Variants in DCC observed in about 807,000 individuals in gnomAD.
DCC encodes DCC netrin 1 receptor.
In DCC, 58 loss-of-function variants were observed where a neutral mutation model predicts 172.5. That is an observed-to-expected ratio of 0.34 (90% CI 0.27 to 0.42). DCC has a LOEUF of 0.42. DCC is among the 10% of genes least tolerant of loss of function. The pLI, the probability that DCC is intolerant of heterozygous loss-of-function variation, is 1.00. For missense variants in DCC, 1,740 were observed against 1,791.0 expected, an observed-to-expected ratio of 0.97 and a Z score of 0.51; for synonymous variants, 709 against 644.5, an observed-to-expected ratio of 1.10 and a Z score of -1.52.
intron 2 of DCC, 86 bp from the exon 3 acceptor site, chr18:52,905,958 A>G: frequency 1.1e-6 from 1 of 943,696 alleles, no homozygotes; most frequent in Non-Finnish European, 1.7e-6. Flanking sequence ...ATAATTTTCT[A>G]CAAAGAATAC....
intron 27 of DCC, among the ~76,000 whole-genome samples, chr18:53,511,821 G>C (rs959428596): frequency 6.6e-6 from 1 of 151,744 alleles, no homozygotes; most frequent in African/African-American, 2.4e-5. Flanking sequence ...CGCCCACGGA[G>C]TCTCGCTGAT....
rs771876514 is a variant in DCC, at chr18:53,307,897, GTATATATATATATATATATATATATA to G, written c.2053+2206_2053+2231del. 1.2e-3 allele frequency among the ~76,000 whole-genome samples: 84 copies of G among 67,430 alleles called. 1 individual carries two copies. The highest frequency in any genetic ancestry group is 3.9e-3 in the South Asian group (8 of 2,076). The allele number at this position is 67,430 out of a possible 152,430, so 44.2% of individuals were successfully genotyped here. A position where few individuals can be genotyped will look rare whatever the true frequency, so the allele number is the denominator to read the frequency against. ...CTTCTGGAAAGCAATGTGTGTGTAT[GTATATATATATATATATATATATATA>G]TATATATATATATATATATATATAT... On this transcript the variant is annotated intron_variant, in intron 13 of 28. Transcript: ENST00000442544.
chr18:52,697,357 G>A (rs959362013), intron 1 of DCC, among the ~76,000 whole-genome samples: 3 of 152,266 alleles, frequency 2.0e-5, no homozygotes, highest in African/African-American at 7.2e-5. Flanking sequence ...TCCATCTGAC[G>A]ATGATGTGTT....
intron 5 of DCC, among the ~76,000 whole-genome samples, chr18:52,945,784 T>C (rs917061076): frequency 1.2e-4 from 18 of 152,164 alleles, no homozygotes; most frequent in African/African-American, 1.7e-4. Flanking sequence ...GGTCACAAAC[T>C]GACAACCTAA....
At chr18:52,441,205 A>C (rs1343960403) in intron 1 of DCC, among the ~76,000 whole-genome samples, 1 of 152,180 alleles carries the variant, frequency 6.6e-6, no homozygotes, top group Non-Finnish European at 1.5e-5. Context: ...TTTGTCTGAG[A>C]CCATTTATTT....
chr18:53,022,958 G>T (rs1052770921), intron 5 of DCC, among the ~76,000 whole-genome samples: 1 of 152,008 alleles, frequency 6.6e-6, no homozygotes, highest in Non-Finnish European at 1.5e-5. Context: ...TTTGAAGTAG[G>T]CAACGAAGGG....
At chr18:53,224,385 T>C (rs1444742936) in intron 12 of DCC, among the ~76,000 whole-genome samples, 2 of 152,170 alleles carry the variant, frequency 1.3e-5, no homozygotes, top group African/African-American at 4.8e-5. Context: ...GATTGCTGGG[T>C]TCCGGCCAGA....
At chr18:53,106,577 A>G (rs1187917694) in intron 7 of DCC, among the ~76,000 whole-genome samples, 1 of 151,930 alleles carries the variant, frequency 6.6e-6, no homozygotes, top group Non-Finnish European at 1.5e-5. Context: ...TCAACAATTG[A>G]AGATCTAACA....
At chr18:53,033,847 C>T (rs2042057507) in intron 5 of DCC, among the ~76,000 whole-genome samples, 4 of 152,080 alleles carry the variant, frequency 2.6e-5, no homozygotes, top group Admixed American at 2.0e-4. Flanking sequence ...AACAATCCAA[C>T]AAAACTTTGC....
intron 1 of DCC, among the ~76,000 whole-genome samples, chr18:52,343,595 A>G (rs7233148): frequency 0.097 from 14,800 of 152,240 alleles, 1,147 homozygotes; most frequent in African/African-American, 0.22. Context: ...TATATTTGAC[A>G]TGAGCCACAG....
chr18:52,677,123 T>A (rs1235740148), intron 1 of DCC, among the ~76,000 whole-genome samples: 4 of 152,184 alleles, frequency 2.6e-5, no homozygotes, highest in African/African-American at 9.7e-5. Context: ...CATAATGCAT[T>A]TAAATTATGA....
At chr18:53,147,311 T>C (rs1029711062) in intron 7 of DCC, among the ~76,000 whole-genome samples, 18 of 152,136 alleles carry the variant, frequency 1.2e-4, no homozygotes, top group African/African-American at 4.3e-4. Context: ...GCCTTTTTCT[T>C]TCTCTCTCTC....
chr18:52,891,363 AT>A (rs894938867), intron 2 of DCC, among the ~76,000 whole-genome samples: 7 of 152,118 alleles, frequency 4.6e-5, no homozygotes, highest in African/African-American at 1.7e-4. Context: ...GTTTTGTTAA[AT>A]TATGTCCTGA....
intron 8 of DCC, among the ~76,000 whole-genome samples, chr18:53,174,878 G>A (rs1449250851): frequency 1.3e-5 from 2 of 152,116 alleles, no homozygotes; most frequent in African/African-American, 4.8e-5. Flanking sequence ...AACAAAAAAA[G>A]AGAATTTTAG....
At chr18:52,424,852 A>T in intron 1 of DCC, among the ~76,000 whole-genome samples, 1 of 151,996 alleles carries the variant, frequency 6.6e-6, no homozygotes, top group East Asian at 1.9e-4. Context: ...TTGCCAAAGT[A>T]TCTTATTTAT....
intron 2 of DCC, among the ~76,000 whole-genome samples, chr18:52,850,187 T>C (rs2145337841): frequency 6.6e-6 from 1 of 152,318 alleles, no homozygotes; most frequent in Non-Finnish European, 1.5e-5. Context: ...AGGGCAGAGC[T>C]TAAAGGAATA....
intron 1 of DCC, among the ~76,000 whole-genome samples, chr18:52,398,859 G>A (rs1273720713): frequency 6.6e-6 from 1 of 151,708 alleles, no homozygotes; most frequent in Non-Finnish European, 1.5e-5. Context: ...ATTAGGTTCG[G>A]TGTATACCGC....
At chr18:52,946,686 T>A (rs2040551437) in intron 5 of DCC, among the ~76,000 whole-genome samples, 1 of 152,186 alleles carries the variant, frequency 6.6e-6, no homozygotes, top group South Asian at 2.1e-4. Flanking sequence ...TCTTCTTACA[T>A]TCCATCTGCA....
intron 19 of DCC, among the ~76,000 whole-genome samples, chr18:53,405,454 T>C (rs1380978824): frequency 2.0e-5 from 3 of 152,166 alleles, no homozygotes; most frequent in Non-Finnish European, 4.4e-5. Context: ...GAATAATTGT[T>C]GTAATACAGT....
Sources: allele counts gnomAD v4.1 joint callset (sites outside exome capture counted in the v4.1 genomes callset), GRCh38; gene constraint gnomAD v4.1.1; transcripts MANE v1.5; gene names NCBI Gene and HGNC (gene_info 2026-07-23, HGNC 2026-07-21).